Variants in CHODL observed in about 807,000 individuals in gnomAD.
The protein encoded by CHODL is chondrolectin.
Under a neutral mutation model 34.5 loss-of-function variants are expected in CHODL, and 29 were observed. The observed-to-expected ratio is 0.84, with a 90% CI of 0.63 to 1.15. The LOEUF (loss-of-function observed/expected upper bound fraction) is 1.15. Ranked by LOEUF, CHODL falls within the 50% of genes most tolerant of loss-of-function variation. CHODL has a pLI of 0.00. For synonymous variants in CHODL, 125 were observed against 116.1 expected (o/e 1.08, Z -0.49); for missense variants, 332 against 332.5 (o/e 1.00, Z 0.01).
chr21:18,072,682 T>C (rs983908818), intron 2 of CHODL, among the ~76,000 whole-genome samples: 12 of 151,888 alleles, frequency 7.9e-5, no homozygotes, highest in African/African-American at 2.9e-4. Context: ...AAAAAACCCA[T>C]GGATGAGGTA....
intron 1 of CHODL, among the ~76,000 whole-genome samples, chr21:17,979,994 C>T (rs1417367123): frequency 6.6e-6 from 1 of 151,806 alleles, no homozygotes; most frequent in African/African-American, 2.4e-5. Context: ...TTTCCTACTT[C>T]AATAGAAAAA....
chr21:18,093,471 T>A (rs2065099050), intron 2 of CHODL, among the ~76,000 whole-genome samples: 1 of 150,526 alleles, frequency 6.6e-6, no homozygotes, highest in South Asian at 2.1e-4. Context: ...GTATGTAAAT[T>A]TCTCTTAAGT....
chr21:18,047,613 C>T (rs764685343), intron 2 of CHODL, among the ~76,000 whole-genome samples: 23 of 151,862 alleles, frequency 1.5e-4, no homozygotes, highest in African/African-American at 4.4e-4. Flanking sequence ...CCACATTCAC[C>T]GTTGCAATAA....
At chr21:18,016,194 AAT>A (rs1469349006) in intron 1 of CHODL, among the ~76,000 whole-genome samples, 2 of 152,170 alleles carry the variant, frequency 1.3e-5, no homozygotes. Context: ...AGGAGGGAAA[AAT>A]AGTTTTGTGG....
At chr21:18,015,324 C>T (rs1449378501) in intron 1 of CHODL, among the ~76,000 whole-genome samples, 1 of 152,132 alleles carries the variant, frequency 6.6e-6, no homozygotes, top group Non-Finnish European at 1.5e-5. Flanking sequence ...TCTCCTGTCA[C>T]TGTGTGAAGA....
At chr21:17,970,746 T>A (rs1305465621) in intron 1 of CHODL, among the ~76,000 whole-genome samples, 1 of 152,124 alleles carries the variant, frequency 6.6e-6, no homozygotes, top group Non-Finnish European at 1.5e-5. Flanking sequence ...TTAATTTTTT[T>A]AAATTATACT....
intron 1 of CHODL, among the ~76,000 whole-genome samples, chr21:17,957,086 C>T (rs1056148206): frequency 6.6e-6 from 1 of 152,154 alleles, no homozygotes; most frequent in Non-Finnish European, 1.5e-5. Flanking sequence ...TAGGTTTCAA[C>T]ATATGAATTA....
In CHODL at chr21:18,190,648, T is replaced by C. The variant is rs73316217; in HGVS notation, c.-44-65861T>C. Among the ~76,000 whole-genome samples, 1,277 of 152,274 alleles carry C rather than the reference T, an allele frequency of 8.4e-3. 18 individuals are homozygous for C. Among genetic ancestry groups the C allele is most frequent in the African/African-American group, 0.029 (1,210 of 41,552 alleles). ...ACCCACTAATGGTAGTGTGTACAAT[T>C]ATGGGGAGTGAAATTCTAGGGAAAG... On this transcript the variant is annotated intron_variant, in intron 2 of 6. Transcript: ENST00000400127.
intron 2 of CHODL, among the ~76,000 whole-genome samples, chr21:18,059,194 A>G (rs538119816): frequency 6.6e-6 from 1 of 152,162 alleles, no homozygotes. Context: ...CTGTACACAC[A>G]CAGAGAAAGG....
intron 2 of CHODL, among the ~76,000 whole-genome samples, chr21:18,044,618 TTC>T (rs1447911974): frequency 2.6e-5 from 4 of 151,986 alleles, no homozygotes; most frequent in African/African-American, 9.7e-5. Flanking sequence ...GCAGATAATC[TTC>T]TCTCTTTTGG....
intron 1 of CHODL, among the ~76,000 whole-genome samples, chr21:17,936,776 TA>T (rs1424532869): frequency 2.0e-5 from 3 of 152,048 alleles, no homozygotes; most frequent in African/African-American, 7.2e-5. Context: ...AAATATCTAT[TA>T]AAATTTTAGA....
intron 1 of CHODL, among the ~76,000 whole-genome samples, chr21:17,947,532 AAC>A (rs1003512511): frequency 3.0e-4 from 32 of 106,844 alleles, no homozygotes; most frequent in African/African-American, 1.0e-3. Context: ...CCTAATAAGA[AAC>A]ACACACACAG....
At chr21:18,239,144 T>C (rs1215311743) in intron 2 of CHODL, among the ~76,000 whole-genome samples, 4 of 152,182 alleles carry the variant, frequency 2.6e-5, no homozygotes. Context: ...ATGTTTATTT[T>C]ATAGGAGTTT....
chr21:18,154,429 C>T (rs910347708), intron 2 of CHODL, among the ~76,000 whole-genome samples: 4 of 152,014 alleles, frequency 2.6e-5, no homozygotes, highest in East Asian at 1.9e-4. Context: ...TTAGTTTCCC[C>T]GTATGTTTCC....
intron 1 of CHODL, among the ~76,000 whole-genome samples, chr21:18,005,506 G>A (rs2063951737): frequency 6.6e-6 from 1 of 152,158 alleles, no homozygotes; most frequent in African/African-American, 2.4e-5. Context: ...AGGAATTTCT[G>A]TGAGTTTGTT....
intron 2 of CHODL, among the ~76,000 whole-genome samples, chr21:18,218,491 A>T (rs2073852058): frequency 6.6e-6 from 1 of 152,006 alleles, no homozygotes; most frequent in East Asian, 1.9e-4. Context: ...CCATTTTTTC[A>T]TCCTAGACCT....
At chr21:18,050,937 TTA>T (rs1555857388) in intron 2 of CHODL, among the ~76,000 whole-genome samples, 6 of 141,720 alleles carry the variant, frequency 4.2e-5, no homozygotes, top group African/African-American at 1.0e-4. Context: ...TTTTTTTTTT[TTA>T]TTATTATACT....
intron 2 of CHODL, among the ~76,000 whole-genome samples, chr21:18,204,262 A>C (rs993361745): frequency 6.6e-6 from 1 of 152,132 alleles, no homozygotes; most frequent in South Asian, 2.1e-4. Flanking sequence ...CCTTAAATAC[A>C]TCAGCTTATT....
chr21:18,116,880 T>C (rs76127742), intron 2 of CHODL, among the ~76,000 whole-genome samples: 1,951 of 152,294 alleles, frequency 0.013, 44 homozygotes, highest in African/African-American at 0.043. Flanking sequence ...GGAATCACTG[T>C]GGCCCAGATG....
Sources: allele counts gnomAD v4.1 joint callset (sites outside exome capture counted in the v4.1 genomes callset), GRCh38; gene constraint gnomAD v4.1.1; transcripts MANE v1.5; gene names NCBI Gene and HGNC (gene_info 2026-07-23, HGNC 2026-07-21).